The following LINGO2 variants were observed in gnomAD, a reference collection of about 807,000 sequenced individuals.
The protein encoded by LINGO2 is leucine rich repeat and Ig domain containing 2.
Under a neutral mutation model 30.6 loss-of-function variants are expected in LINGO2, and 14 were observed. The ratio of observed to expected loss-of-function variants is 0.46; its 90% CI spans 0.30 to 0.72. The LOEUF is 0.72. LINGO2 is among the 30% of genes least tolerant of loss of function. The pLI, the probability that LINGO2 is intolerant of heterozygous loss-of-function variation, is 0.07. For synonymous variants in LINGO2, 317 were observed against 288.5 expected (o/e 1.10, Z -1.00); for missense variants, 729 against 751.7 (o/e 0.97, Z 0.35).
the LINGO2 span, among the ~76,000 whole-genome samples, chr9:29,198,654 C>T: frequency 2.6e-5 from 4 of 152,074 alleles, no homozygotes; most frequent in East Asian, 7.7e-4. Flanking sequence ...AATTAAAACA[C>T]TGTATTCCTA....
the LINGO2 span, among the ~76,000 whole-genome samples, chr9:28,797,353 TATATATAG>T: frequency 9.8e-4 from 60 of 61,000 alleles, no homozygotes; most frequent in Middle Eastern, 0.01. Context: ...TATATATATA[TATATATAG>T]AGAGAGAGAG....
the LINGO2 span, among the ~76,000 whole-genome samples, chr9:29,148,587 T>A: frequency 2.0e-5 from 3 of 152,190 alleles, no homozygotes; most frequent in African/African-American, 7.2e-5. Context: ...AATATTTTTA[T>A]TCCCTGTTAA....
chr9:29,122,526 G>A, the LINGO2 span, among the ~76,000 whole-genome samples: 1 of 151,758 alleles, frequency 6.6e-6, no homozygotes, highest in African/African-American at 2.4e-5. Flanking sequence ...AATAAAATGT[G>A]TAACTTTTCA....
intron 4 of LINGO2, among the ~76,000 whole-genome samples, chr9:28,123,440 G>A (rs1417623336): frequency 6.6e-6 from 1 of 152,066 alleles, no homozygotes; most frequent in Non-Finnish European, 1.5e-5. Context: ...TCAGTTGTAA[G>A]TGTGTCCTTC....
At chr9:29,070,082 CACAT>C in the LINGO2 span, among the ~76,000 whole-genome samples, 14 of 140,422 alleles carry the variant, frequency 1.0e-4, no homozygotes, top group Non-Finnish European at 1.9e-4. Context: ...TATACACACA[CACAT>C]ACACATACAT....
At chr9:29,004,579 C>A in the LINGO2 span, among the ~76,000 whole-genome samples, 1 of 151,910 alleles carries the variant, frequency 6.6e-6, no homozygotes, top group Non-Finnish European at 1.5e-5. Context: ...ATTCTATATA[C>A]TCTGTCAGAT....
chr9:29,037,876 T>A, the LINGO2 span, among the ~76,000 whole-genome samples: 15 of 152,070 alleles, frequency 9.9e-5, no homozygotes, highest in Non-Finnish European at 1.6e-4. Flanking sequence ...GAAAAGCACA[T>A]AGTGCATGGA....
intron 4 of LINGO2, among the ~76,000 whole-genome samples, chr9:28,253,452 G>A (rs1220996388): frequency 6.6e-6 from 1 of 152,146 alleles, no homozygotes; most frequent in Non-Finnish European, 1.5e-5. Flanking sequence ...TTAGATGAGT[G>A]AGAAAGCATT....
At chr9:28,837,766 G>C in the LINGO2 span, among the ~76,000 whole-genome samples, 1 of 147,452 alleles carries the variant, frequency 6.8e-6, no homozygotes, top group South Asian at 2.2e-4. Flanking sequence ...AGTGAAGCTT[G>C]ACTCCTGTGG....
the LINGO2 span, among the ~76,000 whole-genome samples, chr9:29,179,158 AATATATATATATATATATATAT>A: frequency 7.2e-4 from 73 of 101,638 alleles, 1 homozygote; most frequent in African/African-American, 2.2e-3. Flanking sequence ...TCTTACTGTA[AATATATATATATATATATATAT>A]ATATATATAT....
At chr9:28,554,877 A>C (rs561565073) in intron 1 of LINGO2, among the ~76,000 whole-genome samples, 2 of 140,502 alleles carry the variant, frequency 1.4e-5, no homozygotes, top group African/African-American at 5.8e-5. Context: ...GAAACTGAAC[A>C]ACCTGCTCCT....
chr9:28,050,066 A>G (rs1587769453), intron 4 of LINGO2, among the ~76,000 whole-genome samples: 1 of 150,760 alleles, frequency 6.6e-6, no homozygotes, highest in Non-Finnish European at 1.5e-5. Flanking sequence ...TTCATCAGGT[A>G]AAAAGGTAGG....
At chr9:28,613,613 T>C (rs969625308) in intron 1 of LINGO2, among the ~76,000 whole-genome samples, 1 of 151,958 alleles carries the variant, frequency 6.6e-6, no homozygotes, top group Non-Finnish European at 1.5e-5. Flanking sequence ...GTTGAGCCCA[T>C]TGTTGGTGGG....
At chr9:28,232,168 G>A (rs551256985) in intron 4 of LINGO2, among the ~76,000 whole-genome samples, 4 of 152,070 alleles carry the variant, frequency 2.6e-5, no homozygotes, top group African/African-American at 9.7e-5. Context: ...GGAGGCCAAG[G>A]CGGGCAGATC....
chr9:28,236,619 T>C (rs1261744040), intron 4 of LINGO2, among the ~76,000 whole-genome samples: 1 of 152,148 alleles, frequency 6.6e-6, no homozygotes, highest in Non-Finnish European at 1.5e-5. Flanking sequence ...TTCAATGAAA[T>C]AAGCTAGGCA....
chr9:28,309,008 G>A (rs533564058), intron 3 of LINGO2, among the ~76,000 whole-genome samples: 2,042 of 152,200 alleles, frequency 0.013, 36 homozygotes, highest in African/African-American at 0.047. Flanking sequence ...TTCAACCATT[G>A]TGGAAGTCAG....
At chr9:29,026,833 C>T in the LINGO2 span, among the ~76,000 whole-genome samples, 2 of 152,096 alleles carry the variant, frequency 1.3e-5, no homozygotes, top group African/African-American at 2.4e-5. Flanking sequence ...CCTTAACAAC[C>T]TCTATGAGCT....
In LINGO2 at chr9:28,148,829, G is replaced by T; in HGVS notation, c.-86-136424C>A. The T allele has an allele frequency of 3.3e-6, 5 of 1,533,778 alleles. No homozygotes were observed. Among genetic ancestry groups the T allele is most frequent in the Non-Finnish European group, 4.4e-6 (5 of 1,146,538 alleles). ...AGAGAAGGCGGCCTTGAAGGTGCTG[G>T]GTAAAGACCACCTGCCCAGCTCTCC... is the stretch of plus-strand genomic sequence containing the variant. On this transcript the variant is annotated intron_variant, in intron 4 of 5. Transcript: ENST00000379992. This position sits in a 1 kb window ranked among gnomAD's most constrained non-coding sequence, Gnocchi z 5.1.
the LINGO2 span, among the ~76,000 whole-genome samples, chr9:28,774,079 C>G: frequency 2.1e-5 from 3 of 144,636 alleles, no homozygotes; most frequent in African/African-American, 7.9e-5. Context: ...CACACACACA[C>G]ACACTTACTT....
Sources: gnomAD v4.1 joint callset for allele counts (sites outside exome capture counted in the v4.1 genomes callset) on GRCh38, gnomAD v4.1.1 for gene constraint, Gnocchi (gnomAD v3.1) non-coding constraint, MANE v1.5 for transcripts, NCBI Gene and HGNC (gene_info 2026-07-23, HGNC 2026-07-21) for gene names.